The following STIP1 variants were observed in gnomAD, a reference collection of about 807,000 sequenced individuals.
The protein encoded by STIP1 is stress-induced-phosphoprotein 1.
In STIP1, 16 loss-of-function variants were observed where a neutral mutation model predicts 77.4. The ratio of observed to expected loss-of-function variants is 0.21; its 90% CI spans 0.14 to 0.31. The LOEUF (loss-of-function observed/expected upper bound fraction) is 0.31. STIP1 is among the 10% of genes least tolerant of loss of function. The pLI is 1.00. For synonymous variants in STIP1, 258 were observed against 246.6 expected, an observed-to-expected ratio of 1.05 and a Z score of -0.44; for missense variants, 524 against 684.8, an observed-to-expected ratio of 0.77 and a Z score of 2.62.
Position 64,197,505 on chromosome 11 carries a change from A to G in STIP1, c.812A>G (p.Glu271Gly), listed in dbSNP as rs780250248. 1.9e-6 allele frequency: 3 copies of G among 1,614,184 alleles called. No individual in the cohort carries two copies. The highest frequency in any genetic ancestry group is 2.5e-6 in the Non-Finnish European group (3 of 1,180,038). Reference protein sequence around the residue: ...YITNQAAVYFEKGDYNKCREL... With the variant: ...YITNQAAVYFGKGDYNKCREL... Reference sequence around the variant, plus strand: ...TCCTGCCTGGCAGCGGTATACTTTGAAAAGGGCGACTACAATAAGTGCCGG... The same window carrying G: ...TCCTGCCTGGCAGCGGTATACTTTGGAAAGGGCGACTACAATAAGTGCCGG... Residue 271 changes from glutamate (E) to glycine (G), a missense_variant, in exon 7 of 14, where the codon GAA becomes GGA. Glu to Gly is a moderately conservative substitution (Grantham distance 98). Transcript: ENST00000305218.
intron 4 of STIP1, 123 bp downstream of exon 4, chr11:64,194,743 C>A: frequency 8.0e-7 from 1 of 1,244,704 alleles, no homozygotes; most frequent in Non-Finnish European, 1.1e-6. Context: ...TTATTCTCTG[C>A]AGAGCAGTAG....
At chr11:64,199,908 T>G in intron 8 of STIP1, 32 bp from the exon 9 acceptor site, 1 of 1,612,438 alleles carries the variant, frequency 6.2e-7, no homozygotes, top group Non-Finnish European at 8.5e-7. Context: ...TATGAGCGTT[T>G]AAATTATTAT....
chr11:64,200,926 C>G (rs1946212719), intron 10 of STIP1, among the ~76,000 whole-genome samples: 1 of 151,428 alleles, frequency 6.6e-6, no homozygotes, highest in African/African-American at 2.4e-5. Context: ...GGGGTTTTAC[C>G]ATGTTGGCCA....
chr11:64,194,753 G>C, intron 4 of STIP1, 133 bp downstream of exon 4: 1 of 1,127,876 alleles, frequency 8.9e-7, no homozygotes, highest in South Asian at 1.7e-5. Context: ...CAGAGCAGTA[G>C]GTGGTGGTCG....
intron 13 of STIP1, chr11:64,203,842 A>C: frequency 1.3e-6 from 1 of 764,036 alleles, no homozygotes; most frequent in South Asian, 1.7e-5. Flanking sequence ...GCTGGGAGAA[A>C]GGTCTTGACT....
At chr11:64,198,547 G>T (rs547854668) in intron 8 of STIP1, among the ~76,000 whole-genome samples, 1 of 152,142 alleles carries the variant, frequency 6.6e-6, no homozygotes, top group East Asian at 1.9e-4. Flanking sequence ...GGGTCTCACT[G>T]TGTTGCCCAG....
chr11:64,198,168 C>T (rs1285023515), intron 8 of STIP1, among the ~76,000 whole-genome samples, 194 bp downstream of exon 8: 1 of 151,610 alleles, frequency 6.6e-6, no homozygotes, highest in Non-Finnish European at 1.5e-5. Flanking sequence ...CAGTGATCTT[C>T]CCACCTCAGC....
chr11:64,188,199 T>G (rs1002809600), intron 1 of STIP1, among the ~76,000 whole-genome samples: 1 of 151,540 alleles, frequency 6.6e-6, no homozygotes, highest in African/African-American at 2.4e-5. Flanking sequence ...GTACAAAAAT[T>G]AGCGGGTCAT....
At position 64,203,511 on chromosome 11, in the gene STIP1, A is replaced by G; in HGVS notation, c.1448A>G (p.Glu483Gly). The G allele has an allele frequency of 1.2e-6, 2 of 1,614,142 alleles. No homozygotes were observed. Among genetic ancestry groups the G allele is most frequent in the Non-Finnish European group, 1.7e-6 (2 of 1,180,028 alleles). The change falls in exon 13 of 14, where the codon GAA (glutamate) becomes GGA (glycine). Residue 483 changes from glutamate to glycine, a missense_variant. By Grantham distance (98) the Glu-to-Gly change is moderately conservative. Transcript: ENST00000305218. ...CAGTACAACCGGCACGACAGCCCCG[A>G]AGATGTGAAGCGACGAGCCATGGCC... ...MAQYNRHDSP[E>G]DVKRRAMADP...
At chr11:64,194,007 T>G (rs994673575) in intron 2 of STIP1, among the ~76,000 whole-genome samples, 182 bp from the exon 3 acceptor site, 2 of 152,236 alleles carry the variant, frequency 1.3e-5, no homozygotes, top group African/African-American at 4.8e-5. Context: ...CCTCTGCTAT[T>G]TGGATGGATC....
At chr11:64,202,676 T>G in intron 10 of STIP1, 200 bp from the exon 11 acceptor site, 1 of 611,586 alleles carries the variant, frequency 1.6e-6, no homozygotes, top group Non-Finnish European at 2.9e-6. Flanking sequence ...TATGTGTTTT[T>G]CATAACATCA....
At chr11:64,197,650 A>G (rs1251151176) in intron 7 of STIP1, 55 bp downstream of exon 7, 17 of 1,604,808 alleles carry the variant, frequency 1.1e-5, no homozygotes, top group Non-Finnish European at 1.5e-5. Flanking sequence ...GCTGTCCAAG[A>G]CTTAAGTTTC....
chr11:64,195,570 G>A, intron 4 of STIP1, 75 bp from the exon 5 acceptor site: 1 of 1,406,878 alleles, frequency 7.1e-7, no homozygotes, highest in Non-Finnish European at 9.5e-7. Flanking sequence ...GACTTTAGTA[G>A]TAAGTGGGAG....
chr11:64,186,371 G>C, intron 1 of STIP1, 101 bp downstream of exon 1: 1 of 1,278,948 alleles, frequency 7.8e-7, no homozygotes, highest in Non-Finnish European at 1.0e-6. Flanking sequence ...CCAGGAGACC[G>C]GAGCTCGGCG....
At chr11:64,187,410 T>A (rs1177774527) in intron 1 of STIP1, among the ~76,000 whole-genome samples, 2 of 152,058 alleles carry the variant, frequency 1.3e-5, no homozygotes, top group African/African-American at 4.8e-5. Flanking sequence ...TATCTGGTTC[T>A]TACTTCAGGG....
intron 1 of STIP1, among the ~76,000 whole-genome samples, chr11:64,190,807 C>T (rs1946084146): frequency 6.6e-6 from 1 of 151,824 alleles, no homozygotes. Context: ...CAAGCCTGGG[C>T]AATATGGTGA....
intron 1 of STIP1, among the ~76,000 whole-genome samples, chr11:64,188,325 CAG>C (rs1946050798): frequency 7.1e-6 from 1 of 140,772 alleles, no homozygotes; most frequent in African/African-American, 2.7e-5. Context: ...GCCTGGGTGA[CAG>C]AGTGAGACTC....
At chr11:64,189,013 G>C (rs1946060266) in intron 1 of STIP1, among the ~76,000 whole-genome samples, 1 of 152,142 alleles carries the variant, frequency 6.6e-6, no homozygotes, top group Non-Finnish European at 1.5e-5. Flanking sequence ...TCAGGAGTTT[G>C]AGACCAACCT....
Position 64,195,729 on chromosome 11 carries a change from T to C in STIP1, c.588T>C (p.Ile196=), listed in dbSNP as rs190514739. Residue 196 remains isoleucine, a synonymous_variant, in exon 5 of 14, where the codon ATT becomes ATC. Transcript: ENST00000305218. ...DLGSMDEEEE[I]ATPPPPPPPK... ...GCAGTATGGATGAGGAGGAAGAGAT[T>C]GCAACACCTCCACCACCACCCCCTC... 91 of 1,614,082 alleles carry C rather than the reference T, an allele frequency of 5.6e-5. No individual in the cohort carries two copies. In the East Asian group the frequency reaches 1.4e-3, roughly 25 times the overall value.
Sources: gnomAD v4.1 joint callset for allele counts (sites outside exome capture counted in the v4.1 genomes callset) on GRCh38, gnomAD v4.1.1 for gene constraint, MANE v1.5 for transcripts, NCBI Gene and HGNC (gene_info 2026-07-23, HGNC 2026-07-21) for gene names.